NAA11: variants seen among roughly 807,000 people sequenced by gnomAD.
The protein encoded by NAA11 is N-alpha-acetyltransferase 11, NatA catalytic subunit, also known as N-alpha-acetyltransferase 11.
In NAA11, 15 loss-of-function variants were observed where a neutral mutation model predicts 16.1. The observed-to-expected ratio is 0.93, with a 90% confidence interval of 0.62 to 1.44. The LOEUF is 1.44. Ranked by LOEUF, NAA11 falls within the 40% of genes most tolerant of loss-of-function variation. The probability of loss-of-function intolerance (pLI) is 0.00; values close to 1 mark genes in which losing one functional copy is unlikely to be tolerated. For synonymous variants in NAA11, 122 were observed against 112.4 expected (o/e 1.09, Z -0.54); for missense variants, 298 against 291.3 (o/e 1.02, Z -0.17).
chr4:79,186,417 T>C, the NAA11 span, among the ~76,000 whole-genome samples: 2 of 152,156 alleles, frequency 1.3e-5, no homozygotes, highest in Non-Finnish European at 2.9e-5. Flanking sequence ...CACCAGATGA[T>C]AGGGGAAAAC....
At chr4:79,176,764 C>T in the NAA11 span, among the ~76,000 whole-genome samples, 1 of 152,188 alleles carries the variant, frequency 6.6e-6, no homozygotes, top group South Asian at 2.1e-4. Flanking sequence ...AACACCCATA[C>T]TTCAGTATCC....
At chr4:79,240,473 A>G (rs577374576) in intron 2 of NAA11, among the ~76,000 whole-genome samples, 71 of 152,344 alleles carry the variant, frequency 4.7e-4, no homozygotes, top group African/African-American at 1.7e-3. Context: ...ATCAAAGGGT[A>G]GGATTGGCAA....
intron 2 of NAA11, among the ~76,000 whole-genome samples, chr4:79,259,387 C>G (rs1722198925): frequency 6.6e-6 from 1 of 152,218 alleles, no homozygotes; most frequent in East Asian, 1.9e-4. Flanking sequence ...CACAGCCTCA[C>G]AGAGAGCTGG....
At chr4:79,319,165 C>CA (rs1724018368) in intron 1 of NAA11, among the ~76,000 whole-genome samples, 1 of 152,156 alleles carries the variant, frequency 6.6e-6, no homozygotes, top group African/African-American at 2.4e-5. Context: ...TGGCCTCATG[C>CA]AAAGCTCCCG....
intron 2 of NAA11, among the ~76,000 whole-genome samples, chr4:79,226,517 G>A (rs1172295326): frequency 1.3e-5 from 2 of 151,772 alleles, no homozygotes; most frequent in African/African-American, 4.8e-5. Flanking sequence ...CCATGTTGGT[G>A]TGCTGCACCC....
intron 2 of NAA11, among the ~76,000 whole-genome samples, chr4:79,280,846 T>C (rs926693393): frequency 1.3e-5 from 2 of 151,960 alleles, no homozygotes; most frequent in East Asian, 3.9e-4. Context: ...AAAAGTAATA[T>C]AAAGAAAGTT....
intron 1 of NAA11, among the ~76,000 whole-genome samples, chr4:79,302,836 T>C (rs1487851124): frequency 2.0e-5 from 3 of 151,600 alleles, no homozygotes; most frequent in Non-Finnish European, 4.4e-5. Context: ...GAGGAGGAAA[T>C]GGAAGAGAAA....
intron 2 of NAA11, among the ~76,000 whole-genome samples, chr4:79,258,555 G>A (rs1280572700): frequency 2.0e-5 from 3 of 152,216 alleles, no homozygotes; most frequent in East Asian, 1.9e-4. Context: ...GGGTGCTGAT[G>A]AGCATAGGAG....
intron 2 of NAA11, among the ~76,000 whole-genome samples, chr4:79,266,098 C>T (rs937489080): frequency 2.0e-5 from 3 of 152,146 alleles, no homozygotes; most frequent in Non-Finnish European, 2.9e-5. Context: ...CACCCACCTG[C>T]CCTCATATCC....
the NAA11 span, among the ~76,000 whole-genome samples, chr4:79,163,934 G>A: frequency 6.6e-6 from 1 of 152,156 alleles, no homozygotes; most frequent in East Asian, 1.9e-4. Context: ...GGGTGATCTG[G>A]TATTTTTCTG....
downstream of NAA11, among the ~76,000 whole-genome samples, chr4:79,223,546 G>C (rs1721241193): frequency 1.3e-5 from 2 of 150,106 alleles, no homozygotes; most frequent in African/African-American, 4.9e-5. Flanking sequence ...CCTAATGCTA[G>C]ATGACGAGTT....
the NAA11 span, among the ~76,000 whole-genome samples, chr4:79,210,905 A>C: frequency 1.3e-5 from 2 of 152,190 alleles, no homozygotes; most frequent in South Asian, 4.1e-4. Context: ...TAATAACTGC[A>C]TAGGGGCAGG....
chr4:79,302,596 A>T (rs1560462214), intron 1 of NAA11, among the ~76,000 whole-genome samples: 1 of 152,126 alleles, frequency 6.6e-6, no homozygotes, highest in Non-Finnish European at 1.5e-5. Context: ...TTTATTCTAT[A>T]TATGTATATT....
intron 2 of NAA11, among the ~76,000 whole-genome samples, chr4:79,235,667 C>T (rs2109958155): frequency 6.6e-6 from 1 of 152,166 alleles, no homozygotes; most frequent in Non-Finnish European, 1.5e-5. Context: ...AGAACTTTAA[C>T]AATTTCACCA....
At chr4:79,262,197 A>G (rs115740825) in intron 2 of NAA11, among the ~76,000 whole-genome samples, 1,760 of 152,312 alleles carry the variant, frequency 0.012, 35 homozygotes, top group African/African-American at 0.04. Flanking sequence ...TGGATCCAAG[A>G]AAGAACTAGA....
chr4:79,256,008 T>G (rs923365151), intron 2 of NAA11, among the ~76,000 whole-genome samples: 6 of 152,184 alleles, frequency 3.9e-5, no homozygotes, highest in Non-Finnish European at 5.9e-5. Flanking sequence ...TTGGGTCTGA[T>G]TGAAAGCTGC....
At chr4:79,207,687 G>C in the NAA11 span, among the ~76,000 whole-genome samples, 1 of 152,088 alleles carries the variant, frequency 6.6e-6, no homozygotes, top group South Asian at 2.1e-4. Flanking sequence ...ATACTAAACT[G>C]ATCAAGAAAG....
At chr4:79,274,778 A>C (rs1722608201) in intron 2 of NAA11, among the ~76,000 whole-genome samples, 1 of 152,120 alleles carries the variant, frequency 6.6e-6, no homozygotes, top group Admixed American at 6.6e-5. Context: ...TGTGTTTGGC[A>C]TGACTAAGCT....
chr4:79,257,172 A>T (rs991770612), intron 2 of NAA11, among the ~76,000 whole-genome samples: 1 of 152,018 alleles, frequency 6.6e-6, no homozygotes, highest in Non-Finnish European at 1.5e-5. Context: ...TTCCAGTTGT[A>T]CTATTATTAC....
Sources: gnomAD v4.1 joint callset for allele counts (sites outside exome capture counted in the v4.1 genomes callset) on GRCh38, gnomAD v4.1.1 for gene constraint, MANE v1.5 for transcripts, NCBI Gene and HGNC (gene_info 2026-07-23, HGNC 2026-07-21) for gene names.